The following BCL2 variants were observed in gnomAD, a reference collection of about 807,000 sequenced individuals.
BCL2 encodes the protein BCL2 apoptosis regulator.
A neutral mutation model predicts 14.2 loss-of-function variants in BCL2; 1 was observed. The observed-to-expected ratio is 0.07, with a 90% CI of 0.02 to 0.33. The LOEUF is 0.33. Ranked by LOEUF, BCL2 falls within the 10% of genes least tolerant of loss-of-function variation. BCL2 has a pLI of 0.99. For synonymous variants in BCL2, 151 were observed against 137.2 expected (o/e 1.10, Z -0.70); for missense variants, 247 against 305.9 (o/e 0.81, Z 1.44).
At position 63,293,598 on chromosome 18, in the gene BCL2, T is replaced by G. The variant is rs114461143; in HGVS notation, c.585+24484A>C. Among the ~76,000 whole-genome samples the G allele has an allele frequency of 5.1e-3, 776 of 152,314 alleles. 8 individuals are homozygous for G. Among genetic ancestry groups the G allele is most frequent in the African/African-American group, 0.018 (749 of 41,564 alleles). On this transcript the variant is annotated intron_variant, in intron 2 of 2. Coordinates refer to ENST00000333681, the MANE Select transcript of BCL2 (RefSeq NM_000633.3). ...AGCAGGCTCTGAGGAGGCAGCTTTG[T>G]GGAAGAGACTGGGGTGTCCAGAGGA...
At chr18:63,180,309 T>C (rs1394772076) in intron 2 of BCL2, among the ~76,000 whole-genome samples, 1 of 152,192 alleles carries the variant, frequency 6.6e-6, no homozygotes, top group Non-Finnish European at 1.5e-5. Flanking sequence ...GGAAGGGAGA[T>C]ATTAAAATCC....
At position 63,318,422 on chromosome 18, in the gene BCL2, G is replaced by A. The variant is rs201827119; in HGVS notation, c.245C>T (p.Ala82Val). The A allele has an allele frequency of 4.0e-6, 6 of 1,494,546 alleles. No individual in the cohort carries two copies. In the Admixed American group the frequency reaches 1.5e-4, roughly 36 times the overall value. The allele number at this position is 1,494,546 out of a possible 1,614,324, so 92.6% of individuals were successfully genotyped here. A position where few individuals can be genotyped will look rare whatever the true frequency, so the allele number is the denominator to read the frequency against. ...LQTPAAPGAA[A>V]GPALSPVPPV... Reference sequence around the variant, plus strand: ...TGGCACCGGGCTGAGCGCAGGCCCCGCGGCGGCGCCGGGGGCAGCCGGGGT... The same window carrying A: ...TGGCACCGGGCTGAGCGCAGGCCCCACGGCGGCGCCGGGGGCAGCCGGGGT... The change falls in exon 2 of 3, where the codon GCG becomes GTG. Residue 82 changes from alanine to valine, a missense_variant. Ala to Val is a moderately conservative substitution (Grantham distance 64). Coordinates refer to ENST00000333681, the MANE Select transcript of BCL2 (RefSeq NM_000633.3). This position sits in a 1 kb window ranked among gnomAD's most constrained non-coding sequence, Gnocchi z 7.4.
intron 2 of BCL2, among the ~76,000 whole-genome samples, chr18:63,222,372 C>T (rs1428276343): frequency 6.7e-6 from 1 of 150,242 alleles, no homozygotes; most frequent in Admixed American, 6.6e-5. Context: ...TATCACCCCC[C>T]AACACACACA....
chr18:63,137,494 T>C (rs1256646459), intron 2 of BCL2, among the ~76,000 whole-genome samples: 1 of 152,214 alleles, frequency 6.6e-6, no homozygotes, highest in African/African-American at 2.4e-5. Flanking sequence ...TAATAGATAA[T>C]ATTTTTTTAA....
intron 2 of BCL2, among the ~76,000 whole-genome samples, chr18:63,232,959 G>C (rs1274185869): frequency 6.6e-6 from 1 of 152,158 alleles, no homozygotes; most frequent in Non-Finnish European, 1.5e-5. Flanking sequence ...CCATAGACTG[G>C]GTGACTTATG....
chr18:63,173,661 C>T (rs947587554), intron 2 of BCL2, among the ~76,000 whole-genome samples: 10 of 152,146 alleles, frequency 6.6e-5, no homozygotes, highest in African/African-American at 2.4e-4. Context: ...AAACTGATTC[C>T]TCATCTGGAG....
chr18:63,206,034 C>T (rs1218225277), intron 2 of BCL2, among the ~76,000 whole-genome samples: 1 of 152,214 alleles, frequency 6.6e-6, no homozygotes, highest in East Asian at 1.9e-4. Flanking sequence ...TGCTGTGCCT[C>T]AGGCCTCTCC....
intron 2 of BCL2, among the ~76,000 whole-genome samples, chr18:63,131,542 G>A (rs1421077393): frequency 3.9e-5 from 6 of 152,318 alleles, no homozygotes; most frequent in Admixed American, 1.3e-4. Context: ...CTTCCAGGGA[G>A]CAACCCAAGA....
chr18:63,228,405 T>C (rs1910603889), intron 2 of BCL2, among the ~76,000 whole-genome samples: 1 of 152,220 alleles, frequency 6.6e-6, no homozygotes, highest in East Asian at 1.9e-4. Flanking sequence ...CTACATGATA[T>C]AGAACAGCAT....
chr18:63,252,640 G>A (rs1911349127), intron 2 of BCL2, among the ~76,000 whole-genome samples: 1 of 152,204 alleles, frequency 6.6e-6, no homozygotes, highest in Non-Finnish European at 1.5e-5. Context: ...CATGTAAGAT[G>A]TGACTTGATC....
intron 2 of BCL2, among the ~76,000 whole-genome samples, chr18:63,221,618 C>T (rs1012023580): frequency 6.6e-6 from 1 of 152,232 alleles, no homozygotes. Flanking sequence ...GGGACATGAC[C>T]TTGGTCTTGC....
chr18:63,155,374 C>A (rs1001847602), intron 2 of BCL2, among the ~76,000 whole-genome samples: 1 of 152,084 alleles, frequency 6.6e-6, no homozygotes, highest in African/African-American at 2.4e-5. Context: ...TCAACAGTAT[C>A]GGATGAGTCA....
At chr18:63,274,203 C>T (rs1041797171) in intron 2 of BCL2, among the ~76,000 whole-genome samples, 24 of 151,442 alleles carry the variant, frequency 1.6e-4, no homozygotes, top group Admixed American at 1.4e-3. Flanking sequence ...CTATGCTATG[C>T]TAATATCTGG....
At chr18:63,133,554 C>T (rs548676509) in intron 2 of BCL2, among the ~76,000 whole-genome samples, 192 of 152,232 alleles carry the variant, frequency 1.3e-3, no homozygotes, top group African/African-American at 4.2e-3. Flanking sequence ...TCCCAAAGTG[C>T]TGGGATTACA....
intron 2 of BCL2, among the ~76,000 whole-genome samples, chr18:63,166,242 A>C (rs534345457): frequency 7.5e-4 from 115 of 152,354 alleles, no homozygotes; most frequent in Non-Finnish European, 1.3e-3. Context: ...GGCAGCTCCC[A>C]GAGTGGGGAG....
At position 63,149,025 on chromosome 18, in the gene BCL2, G is replaced by T. The variant is rs1459303007; in HGVS notation, c.586-20266C>A. ...GTAGCTATGACTCCCAGCTAAACGG[G>T]CCTGCCCAGAGCCACGAAGTCATAA... On this transcript the variant is annotated intron_variant, in intron 2 of 2. Coordinates refer to ENST00000333681, the MANE Select transcript of BCL2 (RefSeq NM_000633.3). The surrounding 1 kb of genome is among the most constrained non-coding windows in gnomAD (Gnocchi z 4.2). Among the ~76,000 whole-genome samples the T allele has an allele frequency of 6.6e-6, 1 of 152,140 alleles. No homozygotes were observed. Among genetic ancestry groups the T allele is most frequent in the Non-Finnish European group, 1.5e-5 (1 of 68,034 alleles).
intron 2 of BCL2, among the ~76,000 whole-genome samples, chr18:63,262,495 C>T (rs911877012): frequency 2.0e-5 from 3 of 152,154 alleles, no homozygotes; most frequent in African/African-American, 7.2e-5. Flanking sequence ...CCGGAGCAGC[C>T]CTTCTGCATT....
At chr18:63,226,517 G>A (rs1910552611) in intron 2 of BCL2, among the ~76,000 whole-genome samples, 1 of 152,022 alleles carries the variant, frequency 6.6e-6, no homozygotes, top group African/African-American at 2.4e-5. Flanking sequence ...GCCATAACAT[G>A]GAATTTTACT....
intron 2 of BCL2, among the ~76,000 whole-genome samples, chr18:63,272,324 T>C (rs1912024877): frequency 6.6e-6 from 1 of 152,214 alleles, no homozygotes; most frequent in South Asian, 2.1e-4. Context: ...GCTAAGACAC[T>C]GGCCATTACA....
Sources: gnomAD v4.1 joint callset for allele counts (sites outside exome capture counted in the v4.1 genomes callset) on GRCh38, gnomAD v4.1.1 for gene constraint, Gnocchi (gnomAD v3.1) non-coding constraint, MANE v1.5 for transcripts, NCBI Gene and HGNC (gene_info 2026-07-23, HGNC 2026-07-21) for gene names.